CTNND2: variants seen among roughly 807,000 people sequenced by gnomAD.
The protein encoded by CTNND2 is catenin delta 2.
In CTNND2, 22 loss-of-function variants were observed where a neutral mutation model predicts 144.4. The ratio of observed to expected loss-of-function variants is 0.15; its 90% CI spans 0.11 to 0.22. The LOEUF (loss-of-function observed/expected upper bound fraction) is 0.22, where lower values mean the gene tolerates loss of function less well. Among genes scored for constraint, CTNND2 ranks in the 10% least tolerant of loss-of-function variants. The probability of loss-of-function intolerance (pLI) is 1.00; values close to 1 mark genes in which losing one functional copy is unlikely to be tolerated. For synonymous variants in CTNND2, 751 were observed against 695.6 expected (o/e 1.08, Z -1.25); for missense variants, 1,353 against 1,618.8 (o/e 0.84, Z 2.82).
At chr5:11,083,268 T>C (rs1749788410) in intron 15 of CTNND2, among the ~76,000 whole-genome samples, 2 of 152,136 alleles carry the variant, frequency 1.3e-5, no homozygotes, top group East Asian at 3.8e-4. Context: ...TCAAGACAGC[T>C]TTGAATTTGG....
chr5:11,036,187 G>A (rs573838203), intron 16 of CTNND2, among the ~76,000 whole-genome samples: 1 of 151,848 alleles, frequency 6.6e-6, no homozygotes, highest in East Asian at 1.9e-4. Flanking sequence ...CCTCACTTGT[G>A]GAAATGCTAG....
chr5:11,237,083 G>T (rs991274433), intron 9 of CTNND2, among the ~76,000 whole-genome samples: 1 of 149,178 alleles, frequency 6.7e-6, no homozygotes. Context: ...GCAGTGGAGC[G>T]ATCTCAGCTC....
intron 15 of CTNND2, among the ~76,000 whole-genome samples, chr5:11,094,997 T>C (rs2149660232): frequency 6.6e-6 from 1 of 152,358 alleles, no homozygotes; most frequent in Non-Finnish European, 1.5e-5. Context: ...AGATTTATTG[T>C]GCTGGAAACA....
chr5:11,245,864 T>C (rs145912355), intron 9 of CTNND2, among the ~76,000 whole-genome samples: 1 of 151,628 alleles, frequency 6.6e-6, no homozygotes, highest in African/African-American at 2.4e-5. Flanking sequence ...ATTTGGAGAG[T>C]CTTCGATGTG....
intron 9 of CTNND2, among the ~76,000 whole-genome samples, chr5:11,325,641 C>A (rs1240955195): frequency 6.6e-6 from 1 of 152,136 alleles, no homozygotes; most frequent in Non-Finnish European, 1.5e-5. Context: ...CTGACCTCCT[C>A]TTGGTCAAGG....
intron 5 of CTNND2, among the ~76,000 whole-genome samples, chr5:11,404,523 CATTA>C (rs1561343412): frequency 6.9e-6 from 1 of 144,616 alleles, no homozygotes; most frequent in Non-Finnish European, 1.5e-5. Context: ...AAACTCAGTA[CATTA>C]AGAGTTGGTT....
intron 12 of CTNND2, among the ~76,000 whole-genome samples, chr5:11,150,185 T>C (rs918680395): frequency 2.0e-5 from 3 of 151,966 alleles, no homozygotes; most frequent in African/African-American, 7.3e-5. Flanking sequence ...AGACCCCACC[T>C]CTCACTCTTC....
chr5:11,507,108 C>T (rs1389610031), intron 3 of CTNND2, among the ~76,000 whole-genome samples: 1 of 152,298 alleles, frequency 6.6e-6, no homozygotes, highest in South Asian at 2.1e-4. Context: ...GTAATAGGCT[C>T]GTACCTGGGA....
intron 7 of CTNND2, among the ~76,000 whole-genome samples, chr5:11,375,490 T>C (rs1252789585): frequency 1.3e-5 from 2 of 152,324 alleles, no homozygotes; most frequent in East Asian, 3.9e-4. Context: ...TAAGGAGAAC[T>C]AAAATTTTCC....
At chr5:11,324,627 C>T (rs553947450) in intron 9 of CTNND2, among the ~76,000 whole-genome samples, 3 of 152,114 alleles carry the variant, frequency 2.0e-5, no homozygotes, top group East Asian at 1.9e-4. Context: ...CTAACAAGGT[C>T]GGGGGCACAT....
chr5:11,372,515 T>G (rs985611405), intron 7 of CTNND2, among the ~76,000 whole-genome samples: 3 of 152,146 alleles, frequency 2.0e-5, no homozygotes, highest in Non-Finnish European at 4.4e-5. Flanking sequence ...CCACCCCTCA[T>G]GCACGGCTTC....
chr5:11,656,006 TA>T (rs36109972), intron 2 of CTNND2, among the ~76,000 whole-genome samples: 54,909 of 149,380 alleles, frequency 0.37, 13,062 homozygotes, highest in African/African-American at 0.69. Context: ...TTTGATTCAG[TA>T]AAAAAAAAAA....
chr5:11,524,599 C>T lies in CTNND2; in HGVS notation c.287+40345G>A, dbSNP rs764536976. ...AAAAGAATTTTAGGCAATTTGAAGA[C>T]GGATGCTAGAGGCCTAAGGAAGGAG... is the stretch of plus-strand genomic sequence containing the variant. On this transcript the variant is annotated intron_variant, in intron 3 of 21. Transcript: ENST00000304623. 3.3e-5 allele frequency among the ~76,000 whole-genome samples: 5 copies of T among 152,112 alleles called. No individual in the cohort carries two copies. In the East Asian group the frequency reaches 5.8e-4, roughly 18 times the overall value.
At chr5:11,296,533 C>T (rs149485964) in intron 9 of CTNND2, among the ~76,000 whole-genome samples, 94 of 152,230 alleles carry the variant, frequency 6.2e-4, no homozygotes, top group African/African-American at 1.9e-3. Flanking sequence ...CACATGCACA[C>T]GTATGTTTAC....
At chr5:11,558,341 C>CGT (rs59741742) in intron 3 of CTNND2, among the ~76,000 whole-genome samples, 4,041 of 132,158 alleles carry the variant, frequency 0.031, 76 homozygotes, top group South Asian at 0.08. Flanking sequence ...GTGAGAAACA[C>CGT]GTGTGTGTGT....
intron 2 of CTNND2, among the ~76,000 whole-genome samples, chr5:11,606,020 T>C (rs751398787): frequency 3.9e-4 from 59 of 152,158 alleles, no homozygotes; most frequent in Non-Finnish European, 7.2e-4. Context: ...ATTCTCCAGC[T>C]GTACCCAGTA....
chr5:11,577,677 G>C (rs1416980733), intron 2 of CTNND2, among the ~76,000 whole-genome samples: 3 of 152,058 alleles, frequency 2.0e-5, no homozygotes, highest in African/African-American at 7.2e-5. Flanking sequence ...TTTACCATCA[G>C]GCAAATTACA....
At chr5:10,991,221 T>A (rs537866136) in intron 19 of CTNND2, among the ~76,000 whole-genome samples, 2 of 152,218 alleles carry the variant, frequency 1.3e-5, no homozygotes, top group Non-Finnish European at 2.9e-5. Context: ...TCATTTCTCA[T>A]CATGTTGACA....
At chr5:11,551,635 G>A (rs556657155) in intron 3 of CTNND2, among the ~76,000 whole-genome samples, 1 of 151,800 alleles carries the variant, frequency 6.6e-6, no homozygotes, top group South Asian at 2.1e-4. Flanking sequence ...TTTTGCTCTT[G>A]TTACACAGGC....
Sources: gnomAD v4.1 joint callset for allele counts (sites outside exome capture counted in the v4.1 genomes callset) on GRCh38, gnomAD v4.1.1 for gene constraint, MANE v1.5 for transcripts, NCBI Gene and HGNC (gene_info 2026-07-23, HGNC 2026-07-21) for gene names.